TOX2: variants seen among roughly 807,000 people sequenced by gnomAD.
TOX2 encodes the protein granulosa cell HMG box 1.
TOX2 carries 15 observed loss-of-function variants against 47.4 expected under a neutral mutation model. That is an observed-to-expected ratio of 0.32 (90% CI 0.21 to 0.49). The LOEUF is 0.49. TOX2 is among the 20% of genes least tolerant of loss of function. The probability of loss-of-function intolerance (pLI) is 0.99; values close to 1 mark genes in which losing one functional copy is unlikely to be tolerated. For synonymous variants in TOX2, 290 were observed against 296.6 expected, an observed-to-expected ratio of 0.98 and a Z score of 0.23; for missense variants, 622 against 673.1, an observed-to-expected ratio of 0.92 and a Z score of 0.84.
intron 3 of TOX2, among the ~76,000 whole-genome samples, chr20:44,027,779 G>A (rs1176300203): frequency 6.6e-6 from 1 of 152,182 alleles, no homozygotes; most frequent in African/African-American, 2.4e-5. Flanking sequence ...TGTGTGTCGG[G>A]GGCCAGTGGG....
At chr20:43,917,174 C>T (rs957193566) in intron 1 of TOX2, among the ~76,000 whole-genome samples, 1 of 151,838 alleles carries the variant, frequency 6.6e-6, no homozygotes, top group Non-Finnish European at 1.5e-5. Context: ...CAGGGTGAGG[C>T]GGGAGGGGAG....
chr20:43,947,576 C>T (rs570906672), intron 1 of TOX2, among the ~76,000 whole-genome samples: 1 of 152,250 alleles, frequency 6.6e-6, no homozygotes, highest in African/African-American at 2.4e-5. Context: ...GTTTGGGGAG[C>T]TTGAAGGGAG....
chr20:44,023,431 G>GGAA lies in TOX2; in HGVS notation c.411+16639_411+16640insGAA, dbSNP rs1555841868. 8.4e-4 allele frequency among the ~76,000 whole-genome samples: 100 copies of GGAA among 119,146 alleles called. 14 individuals carry two copies. The highest frequency in any genetic ancestry group is 0.01 in the Middle Eastern group (2 of 200). 78.2% of individuals were successfully genotyped at this position (119,146 alleles called of 152,430 possible). A position where few individuals can be genotyped will look rare whatever the true frequency, so the allele number is the denominator to read the frequency against. ...GGTGACAGAGCTAGACTTTATCTCA[G>GGAA]AAAAAAAAAAAAAAAAAAAGGAGGG... On this transcript the variant is annotated intron_variant, in intron 3 of 8. Transcript: ENST00000341197.
At chr20:44,065,616 C>A in intron 6 of TOX2, 96 bp from the exon 7 acceptor site, 1 of 1,412,830 alleles carries the variant, frequency 7.1e-7, no homozygotes. Context: ...CAGCCAGCAG[C>A]CGTGTCAGTG....
intron 3 of TOX2, among the ~76,000 whole-genome samples, chr20:44,011,936 A>G (rs1600735065): frequency 6.6e-6 from 1 of 152,200 alleles, no homozygotes; most frequent in Non-Finnish European, 1.5e-5. Context: ...TTGGAATCGA[A>G]CCCCTTTTAC....
At chr20:43,951,434 G>T (rs184705512) in intron 1 of TOX2, among the ~76,000 whole-genome samples, 1 of 151,952 alleles carries the variant, frequency 6.6e-6, no homozygotes, top group African/African-American at 2.4e-5. Flanking sequence ...AAAATTAGCC[G>T]GGTATGGTGG....
intron 1 of TOX2, among the ~76,000 whole-genome samples, chr20:43,951,707 G>GTTTTTTTTTTTGTTTTTTTTTT (rs2069572061): frequency 1.8e-5 from 1 of 55,098 alleles, no homozygotes; most frequent in South Asian, 1.0e-3. Context: ...AACTTATTAT[G>GTTTTTTTTTTTGTTTTTTTTTT]TTTTTTTTTT....
At chr20:44,054,597 G>A in intron 5 of TOX2, 71 bp downstream of exon 5, 3 of 1,497,606 alleles carry the variant, frequency 2.0e-6, no homozygotes, top group Non-Finnish European at 2.7e-6. Flanking sequence ...ACACTTTGAA[G>A]GTCTGAAACC....
rs566123822 is a variant in TOX2 at position 43,983,252 on chromosome 20, C to T, written c.165+9820C>T. Among the ~76,000 whole-genome samples the T allele has an allele frequency of 6.2e-4, 94 of 152,296 alleles. 1 individual carries two copies. The highest frequency in any genetic ancestry group is 3.4e-3 in the Middle Eastern group (1 of 294). Reference sequence around the variant, plus strand: ...CAGAATGAGGCTTCTCAGTGCCTCACACCACACCTGGCATGCAACAGACAC... The same window carrying T: ...CAGAATGAGGCTTCTCAGTGCCTCATACCACACCTGGCATGCAACAGACAC... On this transcript the variant is annotated intron_variant, in intron 2 of 8. Transcript: ENST00000341197.
intron 3 of TOX2, among the ~76,000 whole-genome samples, chr20:44,042,644 ATC>A (rs2071350592): frequency 6.6e-6 from 1 of 152,272 alleles, no homozygotes; most frequent in East Asian, 1.9e-4. Flanking sequence ...GCAAAATTAA[ATC>A]TGTTACCCAC....
chr20:43,974,638 CAT>C (rs1352642631), intron 2 of TOX2, among the ~76,000 whole-genome samples: 1 of 152,256 alleles, frequency 6.6e-6, no homozygotes, highest in Non-Finnish European at 1.5e-5. Context: ...AGGCTGGGCA[CAT>C]ATTTTCCAGA....
rs963954248 is a variant in TOX2, at chr20:44,009,798, C to A, written c.411+3006C>A. On this transcript the variant is annotated intron_variant, in intron 3 of 8. Coordinates refer to ENST00000341197, the MANE Select transcript of TOX2 (RefSeq NM_001098797.2). The stretch of plus-strand genomic sequence containing the variant: ...ATGGTAATACAAACAAGAGCAGGGC[C>A]AGGTGGGCACTTTGTCATCTGCTAT... 2.0e-5 allele frequency among the ~76,000 whole-genome samples: 3 copies of A among 152,286 alleles called. No homozygotes were observed. In the East Asian group the frequency reaches 5.8e-4, roughly 29 times the overall value.
chr20:43,952,063 A>ATAT (rs1555832551), intron 1 of TOX2, among the ~76,000 whole-genome samples: 62 of 145,852 alleles, frequency 4.3e-4, no homozygotes, highest in Non-Finnish European at 4.5e-5. Context: ...CACCCGGCTG[A>ATAT]TTTTTTTTTT....
chr20:43,927,329 C>T (rs1165879250), intron 1 of TOX2, among the ~76,000 whole-genome samples: 1 of 152,004 alleles, frequency 6.6e-6, no homozygotes, highest in East Asian at 1.9e-4. Context: ...TTTGGTTAAC[C>T]CTTTCCCCCA....
At chr20:44,003,338 C>T (rs1416993258) in intron 2 of TOX2, among the ~76,000 whole-genome samples, 2 of 152,064 alleles carry the variant, frequency 1.3e-5, no homozygotes, top group African/African-American at 2.4e-5. Flanking sequence ...GGTGCATGGC[C>T]ACACACCCAG....
chr20:44,047,419 T>C (rs1277067144), intron 3 of TOX2, among the ~76,000 whole-genome samples: 2 of 152,226 alleles, frequency 1.3e-5, no homozygotes, highest in East Asian at 3.8e-4. Flanking sequence ...ATATGCTACC[T>C]CAAGTCAACA....
chr20:43,980,064 T>A (rs1245482032), intron 2 of TOX2, among the ~76,000 whole-genome samples: 1 of 152,224 alleles, frequency 6.6e-6, no homozygotes, highest in Non-Finnish European at 1.5e-5. Context: ...ATATTGAAGA[T>A]ATCGGCACTT....
At chr20:44,044,795 G>T (rs1189745211) in intron 3 of TOX2, among the ~76,000 whole-genome samples, 2 of 152,156 alleles carry the variant, frequency 1.3e-5, no homozygotes. Context: ...CGAGAGAATT[G>T]AAAGCAGAGG....
chr20:43,946,651 T>C (rs1277239612), intron 1 of TOX2, among the ~76,000 whole-genome samples: 1 of 152,226 alleles, frequency 6.6e-6, no homozygotes, highest in Non-Finnish European at 1.5e-5. Flanking sequence ...CTACGCAGCA[T>C]ACTTTCGTAG....
Sources: allele counts gnomAD v4.1 joint callset (sites outside exome capture counted in the v4.1 genomes callset), GRCh38; gene constraint gnomAD v4.1.1; transcripts MANE v1.5; gene names NCBI Gene and HGNC (gene_info 2026-07-23, HGNC 2026-07-21).